The following NRXN1 variants were observed in gnomAD, a reference collection of about 807,000 sequenced individuals.
The protein encoded by NRXN1 is neurexin 1.
NRXN1 carries 39 observed loss-of-function variants against 150.9 expected under a neutral mutation model. That is an observed-to-expected ratio of 0.26 (90% CI 0.20 to 0.34). The LOEUF (loss-of-function observed/expected upper bound fraction) is 0.34. Among genes scored for constraint, NRXN1 ranks in the 10% least tolerant of loss-of-function variants. The pLI, the probability that NRXN1 is intolerant of heterozygous loss-of-function variation, is 1.00. For missense variants in NRXN1, 1,815 were observed against 1,949.9 expected, an observed-to-expected ratio of 0.93 and a Z score of 1.30; for synonymous variants, 924 against 757.0, an observed-to-expected ratio of 1.22 and a Z score of -3.62.
intron 21 of NRXN1, among the ~76,000 whole-genome samples, chr2:49,958,913 G>T (rs1456191119): frequency 6.6e-6 from 1 of 152,140 alleles, no homozygotes; most frequent in Non-Finnish European, 1.5e-5. Flanking sequence ...CCTGAGAAAT[G>T]AGAAATTGGC....
intron 16 of NRXN1, among the ~76,000 whole-genome samples, chr2:50,466,223 CT>C (rs1379416926): frequency 6.6e-6 from 1 of 151,540 alleles, no homozygotes; most frequent in Non-Finnish European, 1.5e-5. Context: ...AAACAAAGAA[CT>C]AAAAAAAGCA....
intron 18 of NRXN1, among the ~76,000 whole-genome samples, chr2:50,103,375 T>C (rs1701220723): frequency 6.6e-6 from 1 of 151,872 alleles, no homozygotes; most frequent in South Asian, 2.1e-4. Flanking sequence ...ACTTGACTGG[T>C]TTTTCAAGTA....
intron 17 of NRXN1, among the ~76,000 whole-genome samples, chr2:50,418,572 T>C (rs2083730090): frequency 6.6e-6 from 1 of 152,078 alleles, no homozygotes; most frequent in Admixed American, 6.6e-5. Flanking sequence ...ATTAGCTCAA[T>C]CATCATTCAA....
intron 5 of NRXN1, among the ~76,000 whole-genome samples, chr2:50,842,489 T>G (rs1673018218): frequency 6.6e-6 from 1 of 152,142 alleles, no homozygotes; most frequent in Admixed American, 6.5e-5. Context: ...CACCAAACAG[T>G]TATGGGATCC....
intron 15 of NRXN1, among the ~76,000 whole-genome samples, chr2:50,478,524 G>A (rs970897109): frequency 2.6e-5 from 4 of 152,104 alleles, no homozygotes; most frequent in East Asian, 1.9e-4. Context: ...GAAACTCTCC[G>A]CTGAAGAGAT....
At chr2:50,606,553 A>G (rs1433336404) in intron 8 of NRXN1, among the ~76,000 whole-genome samples, 1 of 151,118 alleles carries the variant, frequency 6.6e-6, no homozygotes, top group African/African-American at 2.4e-5. Context: ...ACAATACTAT[A>G]TTGCACATTT....
chr2:50,638,621 G>A (rs540856318), intron 5 of NRXN1, among the ~76,000 whole-genome samples: 34 of 152,200 alleles, frequency 2.2e-4, no homozygotes, highest in South Asian at 8.3e-4. Flanking sequence ...TGGATAGGAC[G>A]CATTCCACAT....
At chr2:50,538,699 T>TACACG in intron 9 of NRXN1, 63 bp from the exon 10 acceptor site, 1 of 1,337,348 alleles carries the variant, frequency 7.5e-7, no homozygotes, top group Non-Finnish European at 9.8e-7. Context: ...TAATTATCTT[T>TACACG]CTCTCTTTCG....
intron 17 of NRXN1, among the ~76,000 whole-genome samples, chr2:50,451,261 G>A (rs138006203): frequency 3.4e-4 from 52 of 152,274 alleles, no homozygotes; most frequent in African/African-American, 1.1e-3. Context: ...GAGTCACCAC[G>A]CCTGGCCTAC....
intron 9 of NRXN1, among the ~76,000 whole-genome samples, chr2:50,544,972 T>G (rs1365566677): frequency 6.6e-6 from 1 of 152,170 alleles, no homozygotes. Flanking sequence ...CAGTAATTGG[T>G]AAACTATAAT....
chr2:50,947,450 AAT>A (rs10604269), intron 2 of NRXN1, among the ~76,000 whole-genome samples: 36,248 of 151,768 alleles, frequency 0.24, 5,627 homozygotes, highest in East Asian at 0.51. Flanking sequence ...AAACAGTGAT[AAT>A]ATGTTATTAC....
chr2:50,395,468 A>G (rs1228616976), intron 17 of NRXN1, among the ~76,000 whole-genome samples: 1 of 151,954 alleles, frequency 6.6e-6, no homozygotes, highest in Non-Finnish European at 1.5e-5. Context: ...TCTGATATAA[A>G]AATGGATTCT....
At chr2:50,742,262 C>CATATAT (rs139151456) in intron 5 of NRXN1, among the ~76,000 whole-genome samples, 7 of 148,780 alleles carry the variant, frequency 4.7e-5, no homozygotes, top group South Asian at 4.2e-4. Flanking sequence ...GCAATATTTA[C>CATATAT]ATATATATAT....
intron 18 of NRXN1, among the ~76,000 whole-genome samples, chr2:50,116,170 G>A (rs1260247297): frequency 6.6e-6 from 1 of 151,936 alleles, no homozygotes; most frequent in Non-Finnish European, 1.5e-5. Context: ...AAAGAGCTAC[G>A]CAATTTTTGT....
At chr2:50,368,416 G>T (rs1007517812) in intron 17 of NRXN1, among the ~76,000 whole-genome samples, 1 of 151,802 alleles carries the variant, frequency 6.6e-6, no homozygotes, top group Non-Finnish European at 1.5e-5. Flanking sequence ...AAAAAACCTG[G>T]GGATTTTTAC....
chr2:49,993,849 C>A (rs778809030), intron 21 of NRXN1, among the ~76,000 whole-genome samples: 8 of 152,160 alleles, frequency 5.3e-5, no homozygotes, highest in Non-Finnish European at 7.3e-5. Flanking sequence ...GGGTGTCCAC[C>A]TTTACCTCAT....
At chr2:51,017,702 G>A (rs1161566153) in intron 2 of NRXN1, among the ~76,000 whole-genome samples, 8 of 151,536 alleles carry the variant, frequency 5.3e-5, no homozygotes, top group Admixed American at 4.6e-4. Flanking sequence ...ATTTCACTGT[G>A]CTTTTGAGTA....
At chr2:50,866,211 C>T (rs1326888187) in intron 5 of NRXN1, among the ~76,000 whole-genome samples, 1 of 151,744 alleles carries the variant, frequency 6.6e-6, no homozygotes, top group Non-Finnish European at 1.5e-5. Flanking sequence ...AGAGTTCCAC[C>T]ACATTGAAAC....
At chr2:50,610,660 T>TATATATATATATATATATAC (rs1677921027) in intron 8 of NRXN1, among the ~76,000 whole-genome samples, 1 of 123,836 alleles carries the variant, frequency 8.1e-6, no homozygotes, top group Non-Finnish European at 1.7e-5. Flanking sequence ...TATATATATA[T>TATATATATATATATATATAC]ATATATATAT....
Sources: gnomAD v4.1 joint callset for allele counts (sites outside exome capture counted in the v4.1 genomes callset) on GRCh38, gnomAD v4.1.1 for gene constraint, MANE v1.5 for transcripts, NCBI Gene and HGNC (gene_info 2026-07-23, HGNC 2026-07-21) for gene names.